The following OR9Q1 variants were observed in gnomAD, a reference collection of about 807,000 sequenced individuals.
The protein encoded by OR9Q1 is olfactory receptor family 9 subfamily Q member 1, also known as olfactory receptor 9Q1.
For missense variants in OR9Q1, 374 were observed against 378.8 expected (o/e 0.99, Z 0.11); for synonymous variants, 153 against 148.6 (o/e 1.03, Z -0.22).
chr11:58,065,596 G>A (rs2120005892), intron 2 of OR9Q1, among the ~76,000 whole-genome samples: 1 of 152,312 alleles, frequency 6.6e-6, no homozygotes, highest in Non-Finnish European at 1.5e-5. Flanking sequence ...TCATGTTGCT[G>A]ACAAGGGTGG....
rs142918891 is a variant in OR9Q1, at chr11:58,098,278, T to C, written c.-15+42331T>C. Among the ~76,000 whole-genome samples the C allele has an allele frequency of 9.2e-5, 14 of 152,290 alleles. No individual in the cohort carries two copies. The East Asian group carries it at 2.7e-3, about 29-fold the overall frequency. ...TTTCTTTAACAGGATATATGACTCT[T>C]TAACAGATATGTGACTATTCAGATT... On this transcript the variant is annotated intron_variant, in intron 2 of 2. Coordinates refer to ENST00000335397, the MANE Select transcript of OR9Q1 (RefSeq NM_001005212.4).
chr11:58,130,077 C>T (rs1854126503), intron 2 of OR9Q1, among the ~76,000 whole-genome samples: 1 of 152,106 alleles, frequency 6.6e-6, no homozygotes, highest in African/African-American at 2.4e-5. Context: ...AATGCTCTTC[C>T]TCGAGTCTGC....
chr11:58,159,106 G>C (rs1030280406), intron 2 of OR9Q1, among the ~76,000 whole-genome samples: 1 of 152,102 alleles, frequency 6.6e-6, no homozygotes, highest in Non-Finnish European at 1.5e-5. Flanking sequence ...AAAATCAGAT[G>C]TATCAGGACT....
chr11:58,063,025 G>A (rs780088478), intron 2 of OR9Q1, among the ~76,000 whole-genome samples: 5 of 152,098 alleles, frequency 3.3e-5, no homozygotes, highest in African/African-American at 4.8e-5. Flanking sequence ...GGCCTCACAC[G>A]TGCCTCATGG....
intron 2 of OR9Q1, chr11:58,073,575 G>GT (rs2120024819): frequency 6.5e-6 from 1 of 153,032 alleles, no homozygotes; most frequent in African/African-American, 2.4e-5. Context: ...GCGACTTTCT[G>GT]TAAGTTTCCT....
Position 58,179,575 on chromosome 11 carries a change from A to C in OR9Q1, c.131A>C (p.Glu44Ala), listed in dbSNP as rs371335289. The C allele has an allele frequency of 6.2e-6, 10 of 1,613,706 alleles. No individual in the cohort carries two copies. In the African/African-American group the frequency reaches 1.2e-4, roughly 19 times the overall value. ...CTCATCACCGTATTGGGGAACTTAG[A>C]GATGATTATTCTGATCCTCATGGAT... ...MYLITVLGNL[E>A]MIILILMDHQ... Residue 44 changes from glutamate (E) to alanine (A), a missense_variant, in exon 3 of 3, where the codon GAG (glutamate) becomes GCG (alanine). Coordinates refer to ENST00000335397, the MANE Select transcript of OR9Q1 (RefSeq NM_001005212.4).
At chr11:58,139,295 T>A (rs1402490268) in intron 2 of OR9Q1, among the ~76,000 whole-genome samples, 10 of 145,488 alleles carry the variant, frequency 6.9e-5, no homozygotes, top group South Asian at 2.2e-4. Flanking sequence ...TTTTTTTTTT[T>A]ATTATACTTT....
intron 2 of OR9Q1, among the ~76,000 whole-genome samples, chr11:58,111,479 G>T (rs1853898564): frequency 6.6e-6 from 1 of 152,168 alleles, no homozygotes; most frequent in Non-Finnish European, 1.5e-5. Context: ...TCACCTCATG[G>T]AGGTCCATCG....
intron 2 of OR9Q1, among the ~76,000 whole-genome samples, chr11:58,139,405 G>T (rs191178065): frequency 0.022 from 3,283 of 151,848 alleles, 118 homozygotes; most frequent in African/African-American, 0.075. Context: ...TTAACATTAG[G>T]TATATCTCCT....
intron 2 of OR9Q1, among the ~76,000 whole-genome samples, chr11:58,150,722 A>G (rs992149621): frequency 6.6e-6 from 1 of 152,240 alleles, no homozygotes; most frequent in African/African-American, 2.4e-5. Context: ...CAGAGTACAT[A>G]ATACTTGATA....
intron 2 of OR9Q1, among the ~76,000 whole-genome samples, chr11:58,142,834 G>A (rs1285718603): frequency 6.6e-6 from 1 of 152,064 alleles, no homozygotes; most frequent in African/African-American, 2.4e-5. Flanking sequence ...GGCTAATTGT[G>A]GAATAGCTTG....
intron 2 of OR9Q1, among the ~76,000 whole-genome samples, chr11:58,071,618 T>A (rs1345479985): frequency 6.6e-6 from 1 of 152,154 alleles, no homozygotes; most frequent in Non-Finnish European, 1.5e-5. Flanking sequence ...AGGACTGGGA[T>A]AAGAAGAGGG....
chr11:58,133,571 A>G (rs1229601227), intron 2 of OR9Q1, among the ~76,000 whole-genome samples: 1 of 152,256 alleles, frequency 6.6e-6, no homozygotes, highest in Non-Finnish European at 1.5e-5. Context: ...TTCCTTATCT[A>G]TAACATGGAA....
At chr11:58,101,364 T>C (rs895651151) in intron 2 of OR9Q1, among the ~76,000 whole-genome samples, 2 of 152,244 alleles carry the variant, frequency 1.3e-5, no homozygotes, top group Non-Finnish European at 1.5e-5. Flanking sequence ...ATTGTGGTTT[T>C]AATTTGCATT....
At chr11:58,089,848 C>G (rs1184784829) in intron 2 of OR9Q1, among the ~76,000 whole-genome samples, 1 of 151,710 alleles carries the variant, frequency 6.6e-6, no homozygotes, top group Non-Finnish European at 1.5e-5. Context: ...GTTTGTAGTT[C>G]TTGAAAAAGT....
intron 1 of OR9Q1, among the ~76,000 whole-genome samples, chr11:58,024,538 T>C (rs1852952071): frequency 6.6e-6 from 1 of 152,192 alleles, no homozygotes; most frequent in African/African-American, 2.4e-5. Context: ...TCAATTTTCG[T>C]GCATGGGCCT....
chr11:58,036,517 C>T (rs139171019), intron 1 of OR9Q1, among the ~76,000 whole-genome samples: 2 of 152,108 alleles, frequency 1.3e-5, no homozygotes, highest in South Asian at 4.1e-4. Context: ...ATAGTGATTT[C>T]TCTGATGGAT....
intron 1 of OR9Q1, chr11:58,044,427 C>T (rs1853196352): frequency 6.6e-6 from 1 of 152,172 alleles, no homozygotes; most frequent in African/African-American, 2.4e-5. Flanking sequence ...TCGTTGCAGA[C>T]AGAGGAAGGG....
chr11:58,048,438 A>C (rs974190213), intron 1 of OR9Q1, among the ~76,000 whole-genome samples: 1 of 150,802 alleles, frequency 6.6e-6, no homozygotes, highest in Non-Finnish European at 1.5e-5. Context: ...GCAGGCCGAG[A>C]TCAGGAGTTT....
Sources: allele counts gnomAD v4.1 joint callset (sites outside exome capture counted in the v4.1 genomes callset), GRCh38; gene constraint gnomAD v4.1.1; transcripts MANE v1.5; gene names NCBI Gene and HGNC (gene_info 2026-07-23, HGNC 2026-07-21).